Variants in WDR48 observed in about 807,000 individuals in gnomAD.
WDR48 encodes WD repeat domain 48.
A neutral mutation model predicts 94.0 loss-of-function variants in WDR48; 22 were observed. That is an observed-to-expected ratio of 0.23 (90% confidence interval 0.17 to 0.33). The LOEUF (loss-of-function observed/expected upper bound fraction) is 0.33. WDR48 is among the 10% of genes least tolerant of loss of function. The pLI, the probability that WDR48 is intolerant of heterozygous loss-of-function variation, is 1.00. For missense variants in WDR48, 541 were observed against 813.8 expected, an observed-to-expected ratio of 0.66 and a Z score of 4.08; for synonymous variants, 278 against 280.5, an observed-to-expected ratio of 0.99 and a Z score of 0.09.
intron 8 of WDR48, 147 bp downstream of exon 8, chr3:39,075,097 C>A: frequency 2.6e-6 from 2 of 761,330 alleles, no homozygotes; most frequent in Non-Finnish European, 4.1e-6. Context: ...ATGAGCAGAA[C>A]TTGACAGGGT....
intron 1 of WDR48, 77 bp downstream of exon 1, chr3:39,052,150 G>C: frequency 6.4e-7 from 1 of 1,572,414 alleles, no homozygotes; most frequent in Non-Finnish European, 8.7e-7. Flanking sequence ...GGTGCCCGGC[G>C]CCACGACCAG....
rs566326309 is a variant in WDR48, at chr3:39,091,923, A to T, written c.1745+222A>T. Among the ~76,000 whole-genome samples the T allele has an allele frequency of 1.2e-3, 177 of 152,340 alleles. 1 individual carries two copies. Among genetic ancestry groups the T allele is most frequent in the African/African-American group, 3.4e-3 (142 of 41,582 alleles). On this transcript the variant is annotated intron_variant, in intron 17 of 18. Coordinates refer to ENST00000302313, the MANE Select transcript of WDR48 (RefSeq NM_020839.4). The stretch of plus-strand genomic sequence containing the variant: ...ACAGTGGCTCACGCCCATAATCCCA[A>T]CACTTTGGGAGGGTGAGGTGGGAGG...
intron 11 of WDR48, among the ~76,000 whole-genome samples, chr3:39,082,093 A>C (rs1461977163): frequency 6.6e-6 from 1 of 152,146 alleles, no homozygotes; most frequent in Non-Finnish European, 1.5e-5. Context: ...TGGTTTCTTC[A>C]TTCCTAAAAT....
rs1288797481 is a variant in WDR48, at chr3:39,077,225, A to G, written c.972+12A>G. 6 of 1,613,882 alleles carry G rather than the reference A, an allele frequency of 3.7e-6. No individual in the cohort carries two copies. The highest frequency in any genetic ancestry group is 5.1e-6 in the Non-Finnish European group (6 of 1,179,904). The stretch of plus-strand genomic sequence containing the variant: ...CAGTAAATAAATGGGTAAGTGAGCT[A>G]TTAACCTGGCAAAGGTTTATAAACA... On this transcript the variant is annotated intron_variant, in intron 9 of 18. Coordinates refer to ENST00000302313, the MANE Select transcript of WDR48 (RefSeq NM_020839.4).
At chr3:39,070,711 C>CT (rs1329750318) in intron 7 of WDR48, among the ~76,000 whole-genome samples, 18 of 121,748 alleles carry the variant, frequency 1.5e-4, no homozygotes, top group African/African-American at 4.7e-4. Flanking sequence ...TTTTTTAATA[C>CT]TTTAAGTTTT....
chr3:39,068,882 AT>A, intron 6 of WDR48, 23 bp downstream of exon 6: 1 of 1,508,106 alleles, frequency 6.6e-7, no homozygotes, highest in Non-Finnish European at 9.0e-7. Flanking sequence ...TTATTTCTTT[AT>A]TTAAAAAAAA....
chr3:39,093,723 C>A, intron 17 of WDR48, 151 bp from the exon 18 acceptor site: 1 of 832,426 alleles, frequency 1.2e-6, no homozygotes, highest in Non-Finnish European at 1.7e-6. Context: ...AAAATCTTTC[C>A]GCAGCTCTAA....
At chr3:39,079,300 T>A (rs1299921162) in intron 10 of WDR48, among the ~76,000 whole-genome samples, 1 of 152,238 alleles carries the variant, frequency 6.6e-6, no homozygotes, top group Non-Finnish European at 1.5e-5. Context: ...TTGTTCATGC[T>A]GTTAAACCTT....
intron 2 of WDR48, among the ~76,000 whole-genome samples, chr3:39,065,401 C>G (rs1306908137): frequency 6.6e-6 from 1 of 152,132 alleles, no homozygotes; most frequent in African/African-American, 2.4e-5. Flanking sequence ...ATTGCTGCCC[C>G]TGCTGTCTGC....
chr3:39,055,043 G>T (rs2032774565), intron 1 of WDR48, among the ~76,000 whole-genome samples: 1 of 152,138 alleles, frequency 6.6e-6, no homozygotes, highest in African/African-American at 2.4e-5. Context: ...ACATCAAAAA[G>T]AAAACTTCTC....
At position 39,096,289 on chromosome 3, in the gene WDR48, G is replaced by C. The variant is rs1414569989; in HGVS notation, c.*1546G>C. On this transcript the variant is annotated 3_prime_UTR_variant, in exon 19 of 19. Coordinates refer to ENST00000302313, the MANE Select transcript of WDR48 (RefSeq NM_020839.4). Reference sequence around the variant, plus strand: ...AAATGGTCTTTCTCCCTTCCTCAGAGAGCAACCAGCTTCTTTTTTTTTAAA... The same window carrying C: ...AAATGGTCTTTCTCCCTTCCTCAGACAGCAACCAGCTTCTTTTTTTTTAAA... The C allele has an allele frequency of 1.5e-5, 2 of 132,642 alleles. No homozygotes were observed. The highest frequency in any genetic ancestry group is 7.5e-5 in the African/African-American group (2 of 26,594). 8.2% of individuals were successfully genotyped at this position (132,642 alleles called of 1,614,324 possible).
intron 1 of WDR48, among the ~76,000 whole-genome samples, chr3:39,062,135 T>C (rs564598053): frequency 1.3e-5 from 2 of 152,372 alleles, no homozygotes; most frequent in African/African-American, 4.8e-5. Context: ...TTTTGGCTTT[T>C]GTTGCCATTG....
In WDR48 at chr3:39,057,748, G is replaced by T. The variant is rs565810497; in HGVS notation, c.49-5302G>T. Among the ~76,000 whole-genome samples, 5 of 152,138 alleles carry T rather than the reference G, an allele frequency of 3.3e-5. No individual in the cohort carries two copies. In the South Asian group the frequency reaches 1.0e-3, roughly 32 times the overall value. Reference sequence around the variant, plus strand: ...AGTGATTCTCCTGCCTCAGCCTCCTGACTAGCTGGGACTACAGGTGCGCAC... The same window carrying T: ...AGTGATTCTCCTGCCTCAGCCTCCTTACTAGCTGGGACTACAGGTGCGCAC... On this transcript the variant is annotated intron_variant, in intron 1 of 18. Coordinates refer to ENST00000302313, the MANE Select transcript of WDR48 (RefSeq NM_020839.4).
At chr3:39,089,745 C>T in intron 16 of WDR48, 1 of 152,444 alleles carries the variant, frequency 6.6e-6, no homozygotes, top group East Asian at 1.9e-4. Flanking sequence ...ATCTCTTATA[C>T]TGTTCTGCAA....
At chr3:39,053,634 C>T (rs1265756333) in intron 1 of WDR48, among the ~76,000 whole-genome samples, 1 of 152,098 alleles carries the variant, frequency 6.6e-6, no homozygotes, top group Admixed American at 6.5e-5. Context: ...TTAATCAGGC[C>T]TTTCAGTTTA....
At chr3:39,052,345 G>C (rs2032475916) in intron 1 of WDR48, 1 of 453,958 alleles carries the variant, frequency 2.2e-6, no homozygotes, top group Non-Finnish European at 4.0e-6. Context: ...TGTAGGAGTG[G>C]ACTTGCGGGG....
At chr3:39,062,940 A>G in intron 1 of WDR48, 110 bp from the exon 2 acceptor site, 1 of 1,374,056 alleles carries the variant, frequency 7.3e-7, no homozygotes, top group Non-Finnish European at 9.9e-7. Flanking sequence ...TTGAAAAAGT[A>G]CATATTGGAA....
chr3:39,087,435 A>G (rs894123611), intron 14 of WDR48, among the ~76,000 whole-genome samples: 1 of 152,184 alleles, frequency 6.6e-6, no homozygotes, highest in Non-Finnish European at 1.5e-5. Context: ...TGGGCGATAT[A>G]GCAAGATCCT....
At chr3:39,080,362 G>A (rs958388190) in intron 11 of WDR48, among the ~76,000 whole-genome samples, 8 of 152,232 alleles carry the variant, frequency 5.3e-5, no homozygotes, top group Non-Finnish European at 1.2e-4. Context: ...ATGAGCATTA[G>A]TTACAACTCT....
Sources: allele counts gnomAD v4.1 joint callset (sites outside exome capture counted in the v4.1 genomes callset), GRCh38; gene constraint gnomAD v4.1.1; transcripts MANE v1.5; gene names NCBI Gene and HGNC (gene_info 2026-07-23, HGNC 2026-07-21).